Variants in LAMA1 observed in about 807,000 individuals in gnomAD.
LAMA1 encodes the protein laminin subunit alpha 1, also known as laminin subunit alpha-1.
Under a neutral mutation model 348.7 loss-of-function variants are expected in LAMA1, and 219 were observed. The ratio of observed to expected loss-of-function variants is 0.63; its 90% CI spans 0.56 to 0.70. LAMA1 has a LOEUF of 0.70. Among genes scored for constraint, LAMA1 ranks in the 30% least tolerant of loss-of-function variants. The pLI, the probability that LAMA1 is intolerant of heterozygous loss-of-function variation, is 0.00. For missense variants in LAMA1, 3,744 were observed against 3,888.0 expected (o/e 0.96, Z 0.99); for synonymous variants, 1,487 against 1,491.0 (o/e 1.00, Z 0.06).
chr18:6,943,501 A>G, intron 61 of LAMA1, 99 bp from the exon 62 acceptor site: 2 of 972,940 alleles, frequency 2.1e-6, no homozygotes, highest in Admixed American at 1.8e-5. Context: ...TATGTTTAAA[A>G]GGAGAGCTAA....
rs2057569624 is a variant in LAMA1, at chr18:6,955,201, C to T, written c.8207+152G>A. Reference sequence around the variant, plus strand: ...ATGAAAGCGTTGTGATTTGCACCAACACTGAATTCCTTCTCTTTGCCATTT... The same window carrying T: ...ATGAAAGCGTTGTGATTTGCACCAATACTGAATTCCTTCTCTTTGCCATTT... On this transcript the variant is annotated intron_variant, in intron 57 of 62. Transcript: ENST00000389658. 7.2e-6 allele frequency: 5 copies of T among 691,372 alleles called. No individual in the cohort carries two copies. In the South Asian group the frequency reaches 8.0e-5, roughly 11 times the overall value. The allele number at this position is 691,372 out of a possible 1,614,324, so 42.8% of individuals were successfully genotyped here.
At chr18:6,997,683 A>C in intron 33 of LAMA1, 59 bp downstream of exon 33, 1 of 1,568,008 alleles carries the variant, frequency 6.4e-7, no homozygotes, top group Non-Finnish European at 8.8e-7. Context: ...CACCATTCCC[A>C]ATGACTATAT....
chr18:6,957,022 C>T, intron 55 of LAMA1: 1 of 454,694 alleles, frequency 2.2e-6, no homozygotes, highest in African/African-American at 2.0e-5. Flanking sequence ...TTCCTGAGCA[C>T]CCCCCAGGTC....
rs188336940 is a variant in LAMA1 at position 7,058,959 on chromosome 18, G to A, written c.346-8023C>T. 7.6e-4 allele frequency among the ~76,000 whole-genome samples: 116 copies of A among 152,046 alleles called. No homozygotes were observed. The South Asian group carries it at 0.013, about 17-fold the overall frequency. ...GGCTGGAGTGCAATGGCACAATCTC[G>A]ACTCACTGCAACCTCTGCCTCCTGG... On this transcript the variant is annotated intron_variant, in intron 3 of 62. Coordinates refer to ENST00000389658, the MANE Select transcript of LAMA1 (RefSeq NM_005559.4).
Position 6,973,095 on chromosome 18 carries a change from TTGAA to T in LAMA1, c.6732_6735del (p.Asn2244LysfsTer19). ...CCAAGACCTCCAACAAACATGAGTG[TTGAA>T]TTGTTTACATCCAGAACATTAGCTG... On this transcript the variant is annotated frameshift_variant, in exon 47 of 63. Transcript: ENST00000389658. LOFTEE classifies it high-confidence loss of function. 6.2e-7 allele frequency: 1 copy of T among 1,614,238 alleles called. No homozygotes were observed. The highest frequency in any genetic ancestry group is 8.5e-7 in the Non-Finnish European group (1 of 1,180,030).
chr18:6,948,480 G>A lies in LAMA1; in HGVS notation c.8633C>T (p.Ser2878Phe). ...GTAGCACCTGTTCACCGTGAAGGCA[G>A]ACACCGGGCTGTCCTTGTCCAGCTG... is the stretch of plus-strand genomic sequence containing the variant. ...SKQLDKDSPV[S>F]AFTVNRCYAV... The change falls in exon 60 of 63, where the codon TCT becomes TTT. Residue 2878 changes from serine to phenylalanine, a missense_variant. Ser to Phe is a radical substitution (Grantham distance 155). This residue lies in a region of LAMA1 where 232 missense variants were observed against 264.4 expected (regional missense o/e 0.88). Coordinates refer to ENST00000389658, the MANE Select transcript of LAMA1 (RefSeq NM_005559.4). 6.2e-7 allele frequency: 1 copy of A among 1,614,198 alleles called. No individual in the cohort carries two copies. The highest frequency in any genetic ancestry group is 8.5e-7 in the Non-Finnish European group (1 of 1,180,040).
At chr18:7,027,877 A>T (rs1157626123) in intron 16 of LAMA1, among the ~76,000 whole-genome samples, 4 of 152,208 alleles carry the variant, frequency 2.6e-5, no homozygotes, top group African/African-American at 4.8e-5. Flanking sequence ...TGGGAGGCAG[A>T]GGTTGCAGTG....
chr18:7,079,854 T>C, intron 3 of LAMA1, 121 bp downstream of exon 3: 1 of 763,228 alleles, frequency 1.3e-6, no homozygotes, highest in Admixed American at 2.0e-5. Context: ...CTTCACCTGG[T>C]GGAAATAGTG....
chr18:7,021,581 AC>A (rs1329132867), intron 19 of LAMA1, among the ~76,000 whole-genome samples: 1 of 151,902 alleles, frequency 6.6e-6, no homozygotes, highest in East Asian at 1.9e-4. Context: ...ATGACTCAGT[AC>A]TAAAAAAGAA....
rs141494356 is a variant in LAMA1, at chr18:6,976,071, C to A, written c.6355G>T (p.Ala2119Ser). Reference protein sequence around the residue: ...ARKQAASIKVAVSADRDCIRA... With the variant: ...ARKQAASIKVSVSADRDCIRA... Reference sequence around the variant, plus strand: ...ATGCAATCTCTGTCTGCAGACACGGCGACTTTAATCTGTAGAAGGAAAATG... The same window carrying A: ...ATGCAATCTCTGTCTGCAGACACGGAGACTTTAATCTGTAGAAGGAAAATG... Residue 2119 changes from alanine to serine, a missense_variant, in exon 45 of 63, where the codon GCC (alanine) becomes TCC (serine). Ala to Ser is a moderately conservative substitution (Grantham distance 99). Transcript: ENST00000389658. The A allele has an allele frequency of 3.0e-5, 49 of 1,613,920 alleles. No homozygotes were observed. Among genetic ancestry groups the A allele is most frequent in the Non-Finnish European group, 4.1e-5 (48 of 1,179,994 alleles).
chr18:6,956,718 T>C lies in LAMA1; in HGVS notation c.8012A>G (p.Asp2671Gly), dbSNP rs1211525292. 5 of 1,614,072 alleles carry C rather than the reference T, an allele frequency of 3.1e-6. No individual in the cohort carries two copies. The East Asian group carries it at 1.1e-4, about 36-fold the overall frequency. ...SAVGHEQVDL[D>G]TCWLSERPKL... ...AGGCCTTTCTGACAGCCAGCAGGTG[T>C]CCAGGTCGACTTGCTCATGGCCAAC... Residue 2671 changes from aspartate to glycine, a missense_variant, in exon 56 of 63, where the codon GAC becomes GGC. Transcript: ENST00000389658.
At chr18:6,958,376 G>T in intron 55 of LAMA1, 101 bp downstream of exon 55, 1 of 1,353,038 alleles carries the variant, frequency 7.4e-7, no homozygotes, top group Non-Finnish European at 1.1e-6. Context: ...AATTTGCAAA[G>T]TTTTCAATCT....
At chr18:7,046,802 T>C (rs573323471) in intron 5 of LAMA1, among the ~76,000 whole-genome samples, 1 of 152,290 alleles carries the variant, frequency 6.6e-6, no homozygotes, top group East Asian at 1.9e-4. Context: ...TCTGAAGAAA[T>C]GCACTCACCA....
chr18:7,050,544 T>C, intron 4 of LAMA1, 150 bp downstream of exon 4: 3 of 1,022,432 alleles, frequency 2.9e-6, no homozygotes, highest in South Asian at 1.5e-5. Context: ...GTTTGTGAAA[T>C]TACTTATAAT....
intron 48 of LAMA1, among the ~76,000 whole-genome samples, chr18:6,971,284 G>T (rs2057657196): frequency 6.6e-6 from 1 of 152,142 alleles, no homozygotes; most frequent in Non-Finnish European, 1.5e-5. Flanking sequence ...AATATATGCA[G>T]AAACATACTC....
At chr18:7,001,158 A>G (rs2057806017) in intron 30 of LAMA1, among the ~76,000 whole-genome samples, 2 of 152,188 alleles carry the variant, frequency 1.3e-5, no homozygotes, top group African/African-American at 4.8e-5. Flanking sequence ...CCAAAATGGC[A>G]TCACACTCCA....
At chr18:7,040,780 G>T (rs1318844915) in intron 9 of LAMA1, among the ~76,000 whole-genome samples, 1 of 152,138 alleles carries the variant, frequency 6.6e-6, no homozygotes, top group Non-Finnish European at 1.5e-5. Context: ...ATGAAACATG[G>T]TATGTCCATA....
Position 6,981,082 on chromosome 18 carries a change from G to A in LAMA1, c.5891-445C>T, listed in dbSNP as rs2057709731. ...CGTGCCACTGCACTCCAGCCTGGGC[G>A]ACGGAGCGAGACTCCGTCTCAAAAA... On this transcript the variant is annotated intron_variant, in intron 41 of 62. Transcript: ENST00000389658. Among the ~76,000 whole-genome samples, 3 of 150,522 alleles carry A rather than the reference G, an allele frequency of 2.0e-5. No individual in the cohort carries two copies. The South Asian group carries it at 6.3e-4, about 32-fold the overall frequency.
rs1000668097 is a variant in LAMA1 at position 6,946,135 on chromosome 18, TA to T, written c.8844+1027del. ...CAGAAAAAAATAACATGTTCTACAT[TA>T]AAAAAAAATTATAGCATGGTACGTC... is the stretch of plus-strand genomic sequence containing the variant. On this transcript the variant is annotated intron_variant, in intron 61 of 62. Transcript: ENST00000389658. 1.3e-4 allele frequency among the ~76,000 whole-genome samples: 19 copies of T among 151,472 alleles called. No homozygotes were observed. In the East Asian group the frequency reaches 1.7e-3, roughly 14 times the overall value.
Sources: gnomAD v4.1 joint callset for allele counts (sites outside exome capture counted in the v4.1 genomes callset) on GRCh38, gnomAD v4.1.1 for gene constraint, gnomAD v4.1.1 regional missense constraint, MANE v1.5 for transcripts, NCBI Gene and HGNC (gene_info 2026-07-23, HGNC 2026-07-21) for gene names.